Variants in ANGPT2 observed in about 807,000 individuals in gnomAD.
ANGPT2 encodes the protein angiopoietin-2.
A neutral mutation model predicts 62.9 loss-of-function variants in ANGPT2; 28 were observed. The ratio of observed to expected loss-of-function variants is 0.44; its 90% CI spans 0.33 to 0.61. The LOEUF (loss-of-function observed/expected upper bound fraction) is 0.61. Ranked by LOEUF, ANGPT2 falls within the 20% of genes least tolerant of loss-of-function variation. ANGPT2 has a pLI of 0.03. For synonymous variants in ANGPT2, 284 were observed against 207.8 expected (o/e 1.37, Z -3.15); for missense variants, 727 against 594.9 (o/e 1.22, Z -2.31).
chr8:6,507,726 G>C (rs1460770155), intron 8 of ANGPT2: 1 of 151,876 alleles, frequency 6.6e-6, no homozygotes, highest in African/African-American at 2.4e-5. Flanking sequence ...GGGATTACAG[G>C]TGCCAGCCAC....
At chr8:6,551,859 A>G (rs1181203307) in intron 1 of ANGPT2, among the ~76,000 whole-genome samples, 1 of 152,216 alleles carries the variant, frequency 6.6e-6, no homozygotes, top group African/African-American at 2.4e-5. Flanking sequence ...TTTTACACCA[A>G]CATTTCCCAT....
At chr8:6,543,486 A>G (rs59797719) in intron 1 of ANGPT2, among the ~76,000 whole-genome samples, 1,919 of 152,324 alleles carry the variant, frequency 0.013, 25 homozygotes, top group African/African-American at 0.036. Context: ...CTGACGGGCA[A>G]TGTGCGTGGG....
At chr8:6,519,579 C>T (rs1816912636) in intron 5 of ANGPT2, among the ~76,000 whole-genome samples, 1 of 152,184 alleles carries the variant, frequency 6.6e-6, no homozygotes, top group South Asian at 2.1e-4. Context: ...AAACAACTGA[C>T]AGTATGCATT....
At chr8:6,508,044 A>C (rs961436041) in intron 8 of ANGPT2, 17 of 152,210 alleles carry the variant, frequency 1.1e-4, no homozygotes, top group African/African-American at 4.1e-4. Context: ...CCTACAATAC[A>C]AGAAAGGTCT....
Position 6,500,839 on chromosome 8 carries a change from A to G in ANGPT2, c.*2262T>C, listed in dbSNP as rs1812033929. 1 of 152,222 alleles carries G rather than the reference A, an allele frequency of 6.6e-6. No homozygotes were observed. The highest frequency in any genetic ancestry group is 1.5e-5 in the Non-Finnish European group (1 of 68,038). The allele number at this position is 152,222 out of a possible 1,614,324, so 9.4% of individuals were successfully genotyped here. A position where few individuals can be genotyped will look rare whatever the true frequency, so the allele number is the denominator to read the frequency against. ...CATAAGAGATTATATATGATGCACA[A>G]TGACATAATGAGATTTGTCCTTGAA... On this transcript the variant is annotated 3_prime_UTR_variant, in exon 9 of 9. Coordinates refer to ENST00000629816, the MANE Select transcript of ANGPT2 (RefSeq NM_001118887.2).
intron 1 of ANGPT2, among the ~76,000 whole-genome samples, chr8:6,552,865 G>A (rs1823901129): frequency 6.6e-6 from 1 of 151,838 alleles, no homozygotes; most frequent in Admixed American, 6.6e-5. Flanking sequence ...GTCCGAAAAG[G>A]CTGTATATTT....
intron 1 of ANGPT2, 75 bp downstream of exon 1, chr8:6,562,572 G>GTTTTTAAAAA: frequency 7.0e-5 from 3 of 42,828 alleles, no homozygotes; most frequent in Non-Finnish European, 1.4e-4. Context: ...TTTTTTTTTT[G>GTTTTTAAAAA]GTTGTTAAAA....
intron 1 of ANGPT2, among the ~76,000 whole-genome samples, chr8:6,545,281 C>A (rs1822370507): frequency 6.6e-6 from 1 of 152,114 alleles, no homozygotes; most frequent in South Asian, 2.1e-4. Context: ...ATGAGTGAAT[C>A]CATATTTTTA....
At chr8:6,540,760 T>A (rs944092284) in intron 1 of ANGPT2, among the ~76,000 whole-genome samples, 1 of 152,258 alleles carries the variant, frequency 6.6e-6, no homozygotes, top group Non-Finnish European at 1.5e-5. Flanking sequence ...AAGGCAGGCA[T>A]GCAGGAAGTT....
chr8:6,539,149 T>G lies in ANGPT2; in HGVS notation c.289-6662A>C, dbSNP rs2922877. On this transcript the variant is annotated intron_variant, in intron 1 of 8. Transcript: ENST00000629816. ...GGGAAGGGCTGGGAGATGCGGATTTTGGGCAGCACTTTGTCCTCCTAAACC... is the reference window on the plus strand; with the variant it reads ...GGGAAGGGCTGGGAGATGCGGATTTGGGGCAGCACTTTGTCCTCCTAAACC... Among the ~76,000 whole-genome samples the G allele has an allele frequency of 6.5e-3, 995 of 152,320 alleles. 16 individuals carry two copies. The highest frequency in any genetic ancestry group is 0.023 in the African/African-American group (963 of 41,578).
At chr8:6,557,736 T>G (rs12545089) in intron 1 of ANGPT2, among the ~76,000 whole-genome samples, 16,714 of 150,998 alleles carry the variant, frequency 0.11, 1,187 homozygotes, top group South Asian at 0.18. Flanking sequence ...CAGGGAGAGA[T>G]AGAATGGTTT....
At chr8:6,530,489 A>G (rs977725541) in intron 2 of ANGPT2, among the ~76,000 whole-genome samples, 5 of 144,626 alleles carry the variant, frequency 3.5e-5, no homozygotes, top group African/African-American at 7.8e-5. Context: ...AACCTGGGCA[A>G]TGCAGTGAGA....
intron 7 of ANGPT2, 102 bp from the exon 8 acceptor site, chr8:6,509,164 C>G: frequency 6.8e-7 from 1 of 1,462,238 alleles, no homozygotes; most frequent in Non-Finnish European, 9.2e-7. Context: ...GAAGCGTGTT[C>G]TGTACTCGTT....
intron 1 of ANGPT2, among the ~76,000 whole-genome samples, chr8:6,537,554 A>G (rs1303777754): frequency 1.3e-5 from 2 of 151,474 alleles, no homozygotes; most frequent in Non-Finnish European, 2.9e-5. Flanking sequence ...ACATATATAT[A>G]TATATATGTT....
chr8:6,536,562 T>C lies in ANGPT2; in HGVS notation c.289-4075A>G, dbSNP rs1820536699. 2.0e-5 allele frequency among the ~76,000 whole-genome samples: 3 copies of C among 152,200 alleles called. No individual in the cohort carries two copies. In the South Asian group the frequency reaches 6.2e-4, roughly 32 times the overall value. On this transcript the variant is annotated intron_variant, in intron 1 of 8. Coordinates refer to ENST00000629816, the MANE Select transcript of ANGPT2 (RefSeq NM_001118887.2). ...AATTAAAGATGACCAATGCCAATTC[T>C]ATCTTCTGGGAGCATCCTGACAAAA...
chr8:6,529,623 ATT>A (rs35322987), intron 2 of ANGPT2, among the ~76,000 whole-genome samples: 17 of 120,948 alleles, frequency 1.4e-4, no homozygotes, highest in Admixed American at 8.8e-5. Flanking sequence ...CGCCTGGCTA[ATT>A]TTTTTTTTTT....
intron 8 of ANGPT2, among the ~76,000 whole-genome samples, chr8:6,504,997 CCTT>C (rs1812998133): frequency 6.6e-6 from 1 of 151,448 alleles, no homozygotes; most frequent in South Asian, 2.1e-4. Flanking sequence ...GTATGATACT[CCTT>C]ATATTAATTT....
chr8:6,532,224 G>T, intron 2 of ANGPT2, 108 bp downstream of exon 2: 1 of 1,254,196 alleles, frequency 8.0e-7, no homozygotes, highest in Non-Finnish European at 1.1e-6. Context: ...TTCTCCTGTG[G>T]TGGTGCTTTC....
chr8:6,540,948 G>T (rs948191364), intron 1 of ANGPT2, among the ~76,000 whole-genome samples: 3 of 152,244 alleles, frequency 2.0e-5, no homozygotes, highest in Non-Finnish European at 4.4e-5. Context: ...CCTGGGGCAA[G>T]AATGGGGACT....
Sources: gnomAD v4.1 joint callset for allele counts (sites outside exome capture counted in the v4.1 genomes callset) on GRCh38, gnomAD v4.1.1 for gene constraint, MANE v1.5 for transcripts, NCBI Gene and HGNC (gene_info 2026-07-23, HGNC 2026-07-21) for gene names.